CACNA1I: variants seen among roughly 807,000 people sequenced by gnomAD.
CACNA1I encodes calcium voltage-gated channel subunit alpha1 I.
Under a neutral mutation model 201.6 loss-of-function variants are expected in CACNA1I, and 74 were observed. That is an observed-to-expected ratio of 0.37 (90% confidence interval 0.30 to 0.45). CACNA1I has a LOEUF of 0.45. CACNA1I is among the 20% of genes least tolerant of loss of function. The probability of loss-of-function intolerance (pLI) is 1.00; values close to 1 mark genes in which losing one functional copy is unlikely to be tolerated. For synonymous variants in CACNA1I, 1,431 were observed against 1,345.2 expected (o/e 1.06, Z -1.40); for missense variants, 2,346 against 3,138.1 (o/e 0.75, Z 6.03).
intron 10 of CACNA1I, among the ~76,000 whole-genome samples, chr22:39,650,533 C>T (rs136832): frequency 0.2 from 29,946 of 152,144 alleles, 3,056 homozygotes; most frequent in Middle Eastern, 0.25. Flanking sequence ...TCTTCCCTGC[C>T]TCAAAACTTC....
At position 39,689,130 on chromosome 22, in the gene CACNA1I, A is replaced by T. The variant is rs1935964348; in HGVS notation, c.*2725A>T. The T allele has an allele frequency of 6.5e-6, 1 of 152,852 alleles. No individual in the cohort carries two copies. Among genetic ancestry groups the T allele is most frequent in the Non-Finnish European group, 1.5e-5 (1 of 68,184 alleles). 9.5% of individuals were successfully genotyped at this position (152,852 alleles called of 1,614,324 possible). ...CAAAAGCACAAACTTGCCCTAACCC[A>T]CATGGGCCTGGCTGTGGGGAAAGTG... is the stretch of plus-strand genomic sequence containing the variant. On this transcript the variant is annotated 3_prime_UTR_variant, in exon 37 of 37. Coordinates refer to ENST00000402142, the MANE Select transcript of CACNA1I (RefSeq NM_021096.4).
At chr22:39,664,566 C>T (rs1176081344) in intron 20 of CACNA1I, among the ~76,000 whole-genome samples, 173 bp from the exon 21 acceptor site, 8 of 152,058 alleles carry the variant, frequency 5.3e-5, no homozygotes, top group African/African-American at 1.7e-4. Flanking sequence ...CAACCGCCCT[C>T]AGAGGGCGGC....
intron 15 of CACNA1I, among the ~76,000 whole-genome samples, 191 bp downstream of exon 15, chr22:39,660,628 C>T (rs1374592131): frequency 6.6e-6 from 1 of 152,202 alleles, no homozygotes; most frequent in Non-Finnish European, 1.5e-5. Flanking sequence ...CATCCATGGA[C>T]CCCTGGGATT....
In CACNA1I at chr22:39,679,045, C is replaced by T. The variant is rs981031440; in HGVS notation, c.5056-62C>T. The T allele has an allele frequency of 4.4e-6, 6 of 1,363,200 alleles. No individual in the cohort carries two copies. The African/African-American group carries it at 8.7e-5, about 20-fold the overall frequency. 84.4% of individuals were successfully genotyped at this position (1,363,200 alleles called of 1,614,324 possible). A position where few individuals can be genotyped will look rare whatever the true frequency, so the allele number is the denominator to read the frequency against. On this transcript the variant is annotated intron_variant, in intron 31 of 36. Coordinates refer to ENST00000402142, the MANE Select transcript of CACNA1I (RefSeq NM_021096.4). ...TCCGAGCGTGGCCCTGGGCTGGCCTCTGCCTCCAGCAGCCTCTGGGATGTC... is the reference window on the plus strand; with the variant it reads ...TCCGAGCGTGGCCCTGGGCTGGCCTTTGCCTCCAGCAGCCTCTGGGATGTC...
Position 39,665,656 on chromosome 22 carries a change from G to C in CACNA1I, c.3978+32G>C. 8.7e-6 allele frequency: 14 copies of C among 1,606,126 alleles called. No homozygotes were observed. The highest frequency in any genetic ancestry group is 1.2e-5 in the Non-Finnish European group (14 of 1,174,016). On this transcript the variant is annotated intron_variant, in intron 22 of 36. Coordinates refer to ENST00000402142, the MANE Select transcript of CACNA1I (RefSeq NM_021096.4). This position sits in a 1 kb window ranked among gnomAD's most constrained non-coding sequence, Gnocchi z 5.5. ...GGTGCCCAGTCTGGGCAGGGACTGGGCTCTGTGACTGGGGAAAAGGAAGTC... is the reference window on the plus strand; with the variant it reads ...GGTGCCCAGTCTGGGCAGGGACTGGCCTCTGTGACTGGGGAAAAGGAAGTC...
chr22:39,589,328 G>A (rs1410196736), intron 1 of CACNA1I, among the ~76,000 whole-genome samples: 1 of 152,210 alleles, frequency 6.6e-6, no homozygotes, highest in Non-Finnish European at 1.5e-5. Context: ...ACCCAGGAGT[G>A]GCCCCGCTGG....
At chr22:39,627,426 C>T (rs1403851821) in intron 4 of CACNA1I, among the ~76,000 whole-genome samples, 8 of 152,210 alleles carry the variant, frequency 5.3e-5, no homozygotes, top group Admixed American at 1.3e-4. Context: ...GACAGCGCCC[C>T]GAACGGCACA....
intron 4 of CACNA1I, among the ~76,000 whole-genome samples, chr22:39,627,044 C>T (rs113254287): frequency 2.0e-5 from 3 of 152,210 alleles, no homozygotes; most frequent in Admixed American, 6.5e-5. Flanking sequence ...GGTTTGAACC[C>T]GTGTTCACCT....
Position 39,677,898 on chromosome 22 carries a change from G to T in CACNA1I, c.4934-89G>T. The T allele has an allele frequency of 6.9e-7, 1 of 1,440,200 alleles. No homozygotes were observed. The allele number at this position is 1,440,200 out of a possible 1,614,324, so 89.2% of individuals were successfully genotyped here. On this transcript the variant is annotated intron_variant, in intron 30 of 36. Coordinates refer to ENST00000402142, the MANE Select transcript of CACNA1I (RefSeq NM_021096.4). The surrounding 1 kb of genome is among the most constrained non-coding windows in gnomAD (Gnocchi z 4.8). Reference sequence around the variant, plus strand: ...AGGCCCCTCCTAGGGTGTGATGAGGGTTCTGAGGCGAGGCGGGAGGCACCA... The same window carrying T: ...AGGCCCCTCCTAGGGTGTGATGAGGTTTCTGAGGCGAGGCGGGAGGCACCA...
intron 1 of CACNA1I, among the ~76,000 whole-genome samples, chr22:39,574,874 A>T (rs1402881597): frequency 6.6e-6 from 1 of 152,076 alleles, no homozygotes; most frequent in Non-Finnish European, 1.5e-5. Context: ...GCCTGTCCTG[A>T]GCTCATGTCC....
At chr22:39,661,032 G>C in intron 15 of CACNA1I, 76 bp from the exon 16 acceptor site, 1 of 1,174,034 alleles carries the variant, frequency 8.5e-7, no homozygotes, top group Middle Eastern at 1.9e-4. Flanking sequence ...TTGTTTGTCT[G>C]TCTCGTGGCT....
chr22:39,642,077 T>C (rs993842184), intron 6 of CACNA1I, among the ~76,000 whole-genome samples: 3 of 152,124 alleles, frequency 2.0e-5, no homozygotes, highest in African/African-American at 7.2e-5. Flanking sequence ...CTCTGCTGCC[T>C]CCGCTGCCCT....
chr22:39,684,175 T>A lies in CACNA1I; in HGVS notation c.5831-127T>A. On this transcript the variant is annotated intron_variant, in intron 35 of 36. Transcript: ENST00000402142. The surrounding 1 kb of genome is among the most constrained non-coding windows in gnomAD (Gnocchi z 4.6). ...AGAGAGGGGGGACTTGTCCACAGTCTCACAGTCAGTTTATTAGGTGGCCCC... is the reference window on the plus strand; with the variant it reads ...AGAGAGGGGGGACTTGTCCACAGTCACACAGTCAGTTTATTAGGTGGCCCC... The A allele has an allele frequency of 1.4e-6, 1 of 724,422 alleles. No homozygotes were observed. Among genetic ancestry groups the A allele is most frequent in the South Asian group, 1.8e-5 (1 of 56,972 alleles). 44.9% of individuals were successfully genotyped at this position (724,422 alleles called of 1,614,324 possible).
rs1935561858 is a variant in CACNA1I, at chr22:39,677,834, C to T, written c.4934-153C>T. Among the ~76,000 whole-genome samples the T allele has an allele frequency of 6.6e-6, 1 of 152,222 alleles. No homozygotes were observed. Among genetic ancestry groups the T allele is most frequent in the Admixed American group, 6.5e-5 (1 of 15,288 alleles). On this transcript the variant is annotated intron_variant, in intron 30 of 36. Transcript: ENST00000402142. This position sits in a 1 kb window ranked among gnomAD's most constrained non-coding sequence, Gnocchi z 4.8. ...TGAGCCCCAGCTCATGTGCCATCTC[C>T]CCGAGCCTCAGTTTATCTGTGGGCT...
chr22:39,636,868 C>T (rs1601483620), intron 5 of CACNA1I, among the ~76,000 whole-genome samples: 1 of 152,198 alleles, frequency 6.6e-6, no homozygotes, highest in Non-Finnish European at 1.5e-5. Context: ...GACAGAGCTC[C>T]GTCGTCAGGG....
chr22:39,578,313 G>A (rs141081054), intron 1 of CACNA1I, among the ~76,000 whole-genome samples: 359 of 152,220 alleles, frequency 2.4e-3, no homozygotes, highest in Non-Finnish European at 3.5e-3. Context: ...CTGGATAAAG[G>A]CCTCTGGGAC....
Position 39,677,944 on chromosome 22 carries a change from G to T in CACNA1I, c.4934-43G>T. Reference sequence around the variant, plus strand: ...CACCAGGTCAGGGTGAGCCCCGCAGGCACTCCGCCATCGGGCAGGGCTGAC... The same window carrying T: ...CACCAGGTCAGGGTGAGCCCCGCAGTCACTCCGCCATCGGGCAGGGCTGAC... On this transcript the variant is annotated intron_variant, in intron 30 of 36. Transcript: ENST00000402142. This position sits in a 1 kb window ranked among gnomAD's most constrained non-coding sequence, Gnocchi z 4.8. 11 of 1,544,106 alleles carry T rather than the reference G, an allele frequency of 7.1e-6. No individual in the cohort carries two copies. Among genetic ancestry groups the T allele is most frequent in the South Asian group, 1.2e-5 (1 of 82,534 alleles).
At chr22:39,617,781 C>T (rs1426087004) in intron 3 of CACNA1I, among the ~76,000 whole-genome samples, 4 of 143,720 alleles carry the variant, frequency 2.8e-5, no homozygotes, top group African/African-American at 1.0e-4. Context: ...CGCACCCCTC[C>T]TTTCCCGGCC....
At chr22:39,601,642 A>T (rs373119921) in intron 3 of CACNA1I, among the ~76,000 whole-genome samples, 1 of 151,850 alleles carries the variant, frequency 6.6e-6, no homozygotes, top group African/African-American at 2.4e-5. Context: ...GTAGAATGCT[A>T]TTGAGGAGGT....
Sources: gnomAD v4.1 joint callset for allele counts (sites outside exome capture counted in the v4.1 genomes callset) on GRCh38, gnomAD v4.1.1 for gene constraint, Gnocchi (gnomAD v3.1) non-coding constraint, MANE v1.5 for transcripts, NCBI Gene and HGNC (gene_info 2026-07-23, HGNC 2026-07-21) for gene names.